SHROOM3: variants seen among roughly 807,000 people sequenced by gnomAD.
SHROOM3 encodes the protein shroom family member 3, also known as protein Shroom3.
In SHROOM3, 47 loss-of-function variants were observed where a neutral mutation model predicts 138.6. That is an observed-to-expected ratio of 0.34 (90% CI 0.27 to 0.43). The LOEUF (loss-of-function observed/expected upper bound fraction) is 0.43, where lower values mean the gene tolerates loss of function less well. Ranked by LOEUF, SHROOM3 falls within the 20% of genes least tolerant of loss-of-function variation. SHROOM3 has a pLI of 1.00. For missense variants in SHROOM3, 2,491 were observed against 2,596.5 expected (o/e 0.96, Z 0.88); for synonymous variants, 1,062 against 1,063.3 (o/e 1.00, Z 0.02).
rs1006709932 is a variant in SHROOM3, at chr4:76,478,347, A to G, written c.168+42127A>G. On this transcript the variant is annotated intron_variant, in intron 1 of 10. Coordinates refer to ENST00000296043, the MANE Select transcript of SHROOM3 (RefSeq NM_020859.4). ...GTAGGCAGTTTTCCCCTCACAGTGT[A>G]AACAAAGCCACTGGGAAGTTCAAAC... Among the ~76,000 whole-genome samples the G allele has an allele frequency of 9.8e-5, 15 of 152,356 alleles. 1 individual carries two copies. The East Asian group carries it at 2.9e-3, about 29-fold the overall frequency.
At chr4:76,748,879 G>A in intron 5 of SHROOM3, 138 bp from the exon 6 acceptor site, 2 of 525,324 alleles carry the variant, frequency 3.8e-6, no homozygotes, top group Non-Finnish European at 7.4e-6. Flanking sequence ...ATGGGATTAT[G>A]TAAGAGTGCC....
chr4:76,688,093 C>T (rs1259682415), intron 2 of SHROOM3, among the ~76,000 whole-genome samples: 2 of 152,232 alleles, frequency 1.3e-5, no homozygotes, highest in Admixed American at 6.5e-5. Context: ...AAGATTGCCA[C>T]AGGACACGAG....
intron 1 of SHROOM3, among the ~76,000 whole-genome samples, chr4:76,482,234 A>G (rs529083218): frequency 7.9e-5 from 12 of 152,342 alleles, no homozygotes; most frequent in African/African-American, 2.6e-4. Flanking sequence ...TGCAGATGAC[A>G]TGATTGTATA....
chr4:76,535,486 C>T (rs1732931857), intron 1 of SHROOM3, among the ~76,000 whole-genome samples: 1 of 152,166 alleles, frequency 6.6e-6, no homozygotes, highest in South Asian at 2.1e-4. Flanking sequence ...GGGAAACAAT[C>T]CCAACTGGAA....
rs74591661 is a variant in SHROOM3, at chr4:76,697,883, A to T, written c.324-12273A>T. 7.2e-3 allele frequency among the ~76,000 whole-genome samples: 1,102 copies of T among 152,312 alleles called. 19 individuals are homozygous for T. Among genetic ancestry groups the T allele is most frequent in the African/African-American group, 0.025 (1,058 of 41,580 alleles). On this transcript the variant is annotated intron_variant, in intron 2 of 10. Transcript: ENST00000296043. ...GGAAAGTGCTGGGGTGAGCAGGAAC[A>T]TACAGGATGAGGAAAAAAAGAATTC...
At chr4:76,772,103 CTTTTTTTTT>C in intron 10 of SHROOM3, among the ~76,000 whole-genome samples, 1 of 125,142 alleles carries the variant, frequency 8.0e-6, no homozygotes, top group East Asian at 2.3e-4. Flanking sequence ...TTTTCTTTTT[CTTTTTTTTT>C]TTTTTTTTTG....
At chr4:76,543,383 G>A (rs1350247313) in intron 1 of SHROOM3, among the ~76,000 whole-genome samples, 2 of 152,090 alleles carry the variant, frequency 1.3e-5, no homozygotes, top group Non-Finnish European at 2.9e-5. Context: ...AGTCCTGGAG[G>A]TATACGAGCG....
At chr4:76,643,238 G>A (rs1439612507) in intron 2 of SHROOM3, among the ~76,000 whole-genome samples, 1 of 150,084 alleles carries the variant, frequency 6.7e-6, no homozygotes, top group Non-Finnish European at 1.5e-5. Flanking sequence ...AAAGAATGAT[G>A]GCTAAACTCT....
chr4:76,515,741 C>T (rs1329634675), intron 1 of SHROOM3, among the ~76,000 whole-genome samples: 1 of 152,144 alleles, frequency 6.6e-6, no homozygotes, highest in Non-Finnish European at 1.5e-5. Flanking sequence ...CAAGCCGAGA[C>T]TTGTCTGGGT....
At chr4:76,700,105 A>T (rs1435350642) in intron 2 of SHROOM3, among the ~76,000 whole-genome samples, 1 of 152,238 alleles carries the variant, frequency 6.6e-6, no homozygotes, top group Non-Finnish European at 1.5e-5. Context: ...GAAGAGAACC[A>T]TATGGGGCCA....
intron 1 of SHROOM3, among the ~76,000 whole-genome samples, chr4:76,454,998 A>G (rs1283447448): frequency 6.6e-6 from 1 of 152,016 alleles, no homozygotes; most frequent in Non-Finnish European, 1.5e-5. Flanking sequence ...TTGATTTCGC[A>G]TCTTGCAACA....
At chr4:76,496,695 G>A (rs930848922) in intron 1 of SHROOM3, among the ~76,000 whole-genome samples, 1 of 152,192 alleles carries the variant, frequency 6.6e-6, no homozygotes, top group African/African-American at 2.4e-5. Flanking sequence ...GATATTGTAA[G>A]AGAAGCAGTT....
intron 1 of SHROOM3, among the ~76,000 whole-genome samples, chr4:76,440,152 C>T (rs1309999401): frequency 6.6e-6 from 1 of 152,216 alleles, no homozygotes; most frequent in Non-Finnish European, 1.5e-5. Context: ...ACTGCCGGTA[C>T]TTATTTAGTG....
intron 1 of SHROOM3, among the ~76,000 whole-genome samples, chr4:76,459,521 G>C (rs1412806935): frequency 6.6e-6 from 1 of 152,082 alleles, no homozygotes; most frequent in Non-Finnish European, 1.5e-5. Flanking sequence ...TCGATTTGCC[G>C]TCAGGCCTCA....
chr4:76,645,102 A>G (rs970792469), intron 2 of SHROOM3, among the ~76,000 whole-genome samples: 1 of 152,172 alleles, frequency 6.6e-6, no homozygotes, highest in Non-Finnish European at 1.5e-5. Context: ...TTTACACCAC[A>G]CTGTCTCTTT....
intron 2 of SHROOM3, among the ~76,000 whole-genome samples, chr4:76,661,820 T>C (rs1420690876): frequency 6.6e-6 from 1 of 152,224 alleles, no homozygotes. Context: ...GGGGCTATTA[T>C]GAATAAAGCT....
intron 10 of SHROOM3, 115 bp downstream of exon 10, chr4:76,771,013 G>A: frequency 7.4e-7 from 1 of 1,357,530 alleles, no homozygotes; most frequent in Non-Finnish European, 1.1e-6. Flanking sequence ...TCTCTTTGGG[G>A]CAGGGAGAGA....
intron 2 of SHROOM3, among the ~76,000 whole-genome samples, chr4:76,694,448 A>AT (rs1374968760): frequency 1.3e-5 from 2 of 151,920 alleles, no homozygotes; most frequent in Non-Finnish European, 2.9e-5. Flanking sequence ...AATTGATGTT[A>AT]TTTTCTTAAA....
In SHROOM3 at chr4:76,782,911, A is replaced by G. The variant is rs747270523; in HGVS notation, c.*3734A>G. ...AAAGGGTTGTCTTATTAATTTTTAA[A>G]TAAAACTTCACATTTCTTAATGGGG... On this transcript the variant is annotated 3_prime_UTR_variant, in exon 11 of 11. Transcript: ENST00000296043. 2 of 152,232 alleles carry G rather than the reference A, an allele frequency of 1.3e-5. No individual in the cohort carries two copies. The highest frequency in any genetic ancestry group is 6.5e-5 in the Admixed American group (1 of 15,288). The allele number at this position is 152,232 out of a possible 1,614,324, so 9.4% of individuals were successfully genotyped here. A position where few individuals can be genotyped will look rare whatever the true frequency, so the allele number is the denominator to read the frequency against.
Sources: gnomAD v4.1 joint callset for allele counts (sites outside exome capture counted in the v4.1 genomes callset) on GRCh38, gnomAD v4.1.1 for gene constraint, MANE v1.5 for transcripts, NCBI Gene and HGNC (gene_info 2026-07-23, HGNC 2026-07-21) for gene names.